FRMD5: variants seen among roughly 807,000 people sequenced by gnomAD.
The protein encoded by FRMD5 is FERM domain-containing protein 5.
Under a neutral mutation model 69.0 loss-of-function variants are expected in FRMD5, and 20 were observed. That is an observed-to-expected ratio of 0.29 (90% CI 0.20 to 0.42). The LOEUF (loss-of-function observed/expected upper bound fraction) is 0.42, where lower values mean the gene tolerates loss of function less well. Among genes scored for constraint, FRMD5 ranks in the 10% least tolerant of loss-of-function variants. The pLI, the probability that FRMD5 is intolerant of heterozygous loss-of-function variation, is 1.00. For synonymous variants in FRMD5, 271 were observed against 260.1 expected, an observed-to-expected ratio of 1.04 and a Z score of -0.40; for missense variants, 595 against 708.6, an observed-to-expected ratio of 0.84 and a Z score of 1.82.
chr15:44,050,528 CTTTTT>C (rs34133842), intron 1 of FRMD5, among the ~76,000 whole-genome samples: 1 of 93,756 alleles, frequency 1.1e-5, no homozygotes. Context: ...GCCTGGCTCC[CTTTTT>C]TTTTTTTTTT....
At chr15:43,879,735 A>G (rs1240508043) in intron 13 of FRMD5, 11 of 398,668 alleles carry the variant, frequency 2.8e-5, no homozygotes, top group Non-Finnish European at 3.5e-5. Context: ...GAAACCAGCC[A>G]GGCAGGGAGA....
At position 43,900,617 on chromosome 15, in the gene FRMD5, TG is replaced by T. The variant is rs199917445; in HGVS notation, c.639+1557del. On this transcript the variant is annotated intron_variant, in intron 7 of 13. Coordinates refer to ENST00000417257, the MANE Select transcript of FRMD5 (RefSeq NM_032892.5). ...CTATGTCACTGTGCTCATTCATTCC[TG>T]GTTTTTTTTTTTTTTTTGAGACAGA... 1.1e-3 allele frequency among the ~76,000 whole-genome samples: 158 copies of T among 146,364 alleles called. 2 individuals carry two copies. Among genetic ancestry groups the T allele is most frequent in the Admixed American group, 3.1e-3 (47 of 14,962 alleles).
chr15:44,056,527 CT>C (rs1892876045), intron 1 of FRMD5, among the ~76,000 whole-genome samples: 1 of 151,982 alleles, frequency 6.6e-6, no homozygotes, highest in South Asian at 2.1e-4. Flanking sequence ...TTTCTTTTTT[CT>C]AGAAAAGAGA....
intron 1 of FRMD5, among the ~76,000 whole-genome samples, chr15:44,091,327 G>A (rs768690443): frequency 2.0e-5 from 3 of 151,926 alleles, no homozygotes; most frequent in African/African-American, 4.8e-5. Context: ...TACATATATA[G>A]CCTGATATAT....
At chr15:43,931,489 A>G (rs1364765242) in intron 1 of FRMD5, among the ~76,000 whole-genome samples, 1 of 152,140 alleles carries the variant, frequency 6.6e-6, no homozygotes, top group African/African-American at 2.4e-5. Flanking sequence ...CGCTGCTTCA[A>G]ATAACTTGTA....
intron 1 of FRMD5, among the ~76,000 whole-genome samples, chr15:44,048,251 C>T (rs1464440785): frequency 1.3e-5 from 2 of 152,148 alleles, no homozygotes; most frequent in Non-Finnish European, 2.9e-5. Flanking sequence ...TAATTATAGC[C>T]ATCCTAATGG....
chr15:44,174,561 C>A (rs1451075059), intron 1 of FRMD5, among the ~76,000 whole-genome samples: 4 of 152,082 alleles, frequency 2.6e-5, no homozygotes, highest in Admixed American at 2.6e-4. Context: ...AAAAGATAAC[C>A]TCATTTTTTA....
chr15:43,898,888 A>C (rs920447795), intron 7 of FRMD5, among the ~76,000 whole-genome samples: 1 of 152,128 alleles, frequency 6.6e-6, no homozygotes, highest in African/African-American at 2.4e-5. Flanking sequence ...CATTTGTAGA[A>C]TCTCCTCTTC....
At chr15:44,045,646 C>G (rs904828989) in intron 1 of FRMD5, among the ~76,000 whole-genome samples, 1 of 152,024 alleles carries the variant, frequency 6.6e-6, no homozygotes, top group African/African-American at 2.4e-5. Context: ...CTTCAATAGA[C>G]AGTACACTAA....
intron 1 of FRMD5, among the ~76,000 whole-genome samples, chr15:44,166,717 G>A (rs2077714898): frequency 1.4e-5 from 2 of 145,358 alleles, no homozygotes; most frequent in East Asian, 2.0e-4. Context: ...CCGGGAGGTA[G>A]AGGTTGCAGT....
At chr15:43,907,588 G>C (rs1042747037) in intron 5 of FRMD5, among the ~76,000 whole-genome samples, 5 of 150,876 alleles carry the variant, frequency 3.3e-5, no homozygotes, top group Admixed American at 6.6e-5. Context: ...GCAGTAGCGC[G>C]ATCTCAGCTC....
intron 1 of FRMD5, among the ~76,000 whole-genome samples, chr15:44,026,795 T>C (rs1891446891): frequency 6.6e-6 from 1 of 152,196 alleles, no homozygotes; most frequent in African/African-American, 2.4e-5. Context: ...AGCTACTATA[T>C]TTTTCTTTTT....
At chr15:44,083,646 A>G (rs1179529740) in intron 1 of FRMD5, among the ~76,000 whole-genome samples, 1 of 152,044 alleles carries the variant, frequency 6.6e-6, no homozygotes, top group African/African-American at 2.4e-5. Flanking sequence ...TGTTTAATGC[A>G]TTTGTTGTTT....
At position 43,933,560 on chromosome 15, in the gene FRMD5, A is replaced by G. The variant is rs529838055; in HGVS notation, c.103-9251T>C. 2.0e-5 allele frequency among the ~76,000 whole-genome samples: 3 copies of G among 152,326 alleles called. No individual in the cohort carries two copies. In the South Asian group the frequency reaches 6.2e-4, roughly 32 times the overall value. ...AGCTCTTGAAGCCAAGATTACAGGGATAAGGGAAAGAGAAGCAGATATTTG... is the reference window on the plus strand; with the variant it reads ...AGCTCTTGAAGCCAAGATTACAGGGGTAAGGGAAAGAGAAGCAGATATTTG... On this transcript the variant is annotated intron_variant, in intron 1 of 13. Transcript: ENST00000417257.
intron 1 of FRMD5, among the ~76,000 whole-genome samples, chr15:43,976,061 C>T (rs1227537244): frequency 1.0e-4 from 14 of 138,646 alleles, no homozygotes; most frequent in Admixed American, 3.7e-4. Context: ...TATCTATGTG[C>T]TAAAAAAAAA....
chr15:43,987,869 T>G (rs1889472807), intron 1 of FRMD5, among the ~76,000 whole-genome samples: 1 of 152,152 alleles, frequency 6.6e-6, no homozygotes, highest in Admixed American at 6.6e-5. Flanking sequence ...CATTGTAATA[T>G]ATAATGAAAT....
intron 1 of FRMD5, among the ~76,000 whole-genome samples, chr15:43,997,251 C>T (rs1333145600): frequency 2.6e-5 from 4 of 152,190 alleles, no homozygotes; most frequent in East Asian, 1.9e-4. Context: ...TGCTTGTTTA[C>T]GGCATCTTTG....
intron 1 of FRMD5, among the ~76,000 whole-genome samples, chr15:44,009,286 C>G (rs1338947789): frequency 1.3e-5 from 2 of 152,182 alleles, no homozygotes. Flanking sequence ...ATAAGACTTG[C>G]TCAATGCAGT....
intron 1 of FRMD5, among the ~76,000 whole-genome samples, chr15:43,962,007 C>T (rs2090210105): frequency 6.6e-6 from 1 of 152,152 alleles, no homozygotes; most frequent in African/African-American, 2.4e-5. Flanking sequence ...GACAGGGATG[C>T]CCTCTCTTAC....
Sources: gnomAD v4.1 joint callset for allele counts (sites outside exome capture counted in the v4.1 genomes callset) on GRCh38, gnomAD v4.1.1 for gene constraint, MANE v1.5 for transcripts, NCBI Gene and HGNC (gene_info 2026-07-23, HGNC 2026-07-21) for gene names.